Variants in FBP1 observed in about 807,000 individuals in gnomAD.
FBP1 encodes fructose-1,6-bisphosphatase 1.
Under a neutral mutation model 29.9 loss-of-function variants are expected in FBP1, and 22 were observed. That is an observed-to-expected ratio of 0.74 (90% CI 0.53 to 1.05). The LOEUF is 1.05. Among genes scored for constraint, FBP1 ranks in the 50% least tolerant of loss-of-function variants. FBP1 has a pLI of 0.00. For missense variants in FBP1, 345 were observed against 448.2 expected, an observed-to-expected ratio of 0.77 and a Z score of 2.08; for synonymous variants, 175 against 178.6, an observed-to-expected ratio of 0.98 and a Z score of 0.16.
chr9:94,603,903 G>T, intron 6 of FBP1: 1 of 369,548 alleles, frequency 2.7e-6, no homozygotes, highest in South Asian at 2.2e-5. Context: ...ATGGAAACTG[G>T]ACTTAATGAG....
intron 1 of FBP1, among the ~76,000 whole-genome samples, chr9:94,638,398 C>T (rs1828227395): frequency 6.6e-6 from 1 of 152,228 alleles, no homozygotes; most frequent in Non-Finnish European, 1.5e-5. Flanking sequence ...CTCCATAGCG[C>T]ATTCAGAACC....
intron 1 of FBP1, among the ~76,000 whole-genome samples, chr9:94,632,136 A>C (rs1459806740): frequency 6.6e-6 from 1 of 152,140 alleles, no homozygotes; most frequent in Non-Finnish European, 1.5e-5. Flanking sequence ...TCATTCTAAA[A>C]CGAAATCTGA....
chr9:94,614,049 C>T (rs997138319), intron 3 of FBP1, among the ~76,000 whole-genome samples: 3 of 145,884 alleles, frequency 2.1e-5, no homozygotes, highest in Admixed American at 6.8e-5. Context: ...CTACTGCACT[C>T]CAGCCTGGGC....
Position 94,611,011 on chromosome 9 carries a change from C to T in FBP1, c.427-950G>A, listed in dbSNP as rs560326842. Among the ~76,000 whole-genome samples, 9 of 152,174 alleles carry T rather than the reference C, an allele frequency of 5.9e-5. No individual in the cohort carries two copies. The South Asian group carries it at 1.7e-3, about 28-fold the overall frequency. ...CCCAAGTAGCTGGGAGTACAGGCGC[C>T]TGCCACCACACCCAGTTAATTTTTT... On this transcript the variant is annotated intron_variant, in intron 3 of 6. Coordinates refer to ENST00000375326, the MANE Select transcript of FBP1 (RefSeq NM_000507.4).
chr9:94,607,712 G>A (rs1827721990), intron 4 of FBP1, among the ~76,000 whole-genome samples: 2 of 152,076 alleles, frequency 1.3e-5, no homozygotes, highest in African/African-American at 2.4e-5. Context: ...TTGGCAAGAG[G>A]GTGATCGAGG....
At chr9:94,633,230 A>G (rs1255231525) in intron 1 of FBP1, among the ~76,000 whole-genome samples, 1 of 151,732 alleles carries the variant, frequency 6.6e-6, no homozygotes, top group Non-Finnish European at 1.5e-5. Context: ...CTTCTTCCAA[A>G]TCCTTCCTCT....
intron 1 of FBP1, among the ~76,000 whole-genome samples, chr9:94,630,077 AT>A (rs1828080526): frequency 1.3e-5 from 2 of 152,214 alleles, no homozygotes; most frequent in African/African-American, 4.8e-5. Context: ...TTACATAAAC[AT>A]GGCACATCTG....
chr9:94,630,509 C>T (rs1828086985), intron 1 of FBP1, among the ~76,000 whole-genome samples: 1 of 152,214 alleles, frequency 6.6e-6, no homozygotes, highest in Non-Finnish European at 1.5e-5. Flanking sequence ...AGCTCTGCTC[C>T]ATGCTCAGCA....
At chr9:94,622,512 G>C (rs999130188) in intron 1 of FBP1, among the ~76,000 whole-genome samples, 7 of 152,200 alleles carry the variant, frequency 4.6e-5, no homozygotes, top group African/African-American at 1.7e-4. Context: ...GCAAAACTGA[G>C]CCCCTCCTAG....
At chr9:94,604,808 CA>C (rs1827672780) in intron 6 of FBP1, among the ~76,000 whole-genome samples, 1 of 152,076 alleles carries the variant, frequency 6.6e-6, no homozygotes, top group Non-Finnish European at 1.5e-5. Flanking sequence ...ACTGGGAAAA[CA>C]TAAGAAGGAC....
intron 1 of FBP1, among the ~76,000 whole-genome samples, chr9:94,634,580 C>T (rs944407784): frequency 6.6e-6 from 1 of 152,190 alleles, no homozygotes; most frequent in Non-Finnish European, 1.5e-5. Context: ...GGACAACACT[C>T]GAATTTGACA....
At chr9:94,618,866 C>T (rs1827901765) in intron 2 of FBP1, among the ~76,000 whole-genome samples, 1 of 152,162 alleles carries the variant, frequency 6.6e-6, no homozygotes, top group South Asian at 2.1e-4. Context: ...GTATTCACAC[C>T]ATTGACAGAG....
chr9:94,637,544 G>T (rs935776384), intron 1 of FBP1, among the ~76,000 whole-genome samples: 2 of 151,764 alleles, frequency 1.3e-5, no homozygotes, highest in African/African-American at 2.4e-5. Flanking sequence ...GATTACAGGC[G>T]CCTGCCACCA....
chr9:94,628,184 C>T (rs552651547), intron 1 of FBP1, among the ~76,000 whole-genome samples: 4 of 152,232 alleles, frequency 2.6e-5, no homozygotes, highest in African/African-American at 7.2e-5. Flanking sequence ...GACAGGAGTT[C>T]GAGACCAGCC....
At chr9:94,606,149 T>C (rs1422593079) in intron 5 of FBP1, among the ~76,000 whole-genome samples, 8 of 152,132 alleles carry the variant, frequency 5.3e-5, no homozygotes. Context: ...CCTGCAAACA[T>C]TTGAGCTTCA....
intron 2 of FBP1, 150 bp downstream of exon 2, chr9:94,620,179 C>A: frequency 1.2e-6 from 1 of 800,542 alleles, no homozygotes; most frequent in Admixed American, 2.0e-5. Flanking sequence ...CGAGAGATGG[C>A]AGCAGTGAGG....
At chr9:94,636,432 C>T (rs764269476) in intron 1 of FBP1, among the ~76,000 whole-genome samples, 2 of 152,070 alleles carry the variant, frequency 1.3e-5, no homozygotes, top group Non-Finnish European at 2.9e-5. Flanking sequence ...GAGCCATTAT[C>T]ACACCACTGC....
intron 1 of FBP1, among the ~76,000 whole-genome samples, chr9:94,630,287 G>T (rs1336770345): frequency 1.3e-5 from 2 of 152,124 alleles, no homozygotes; most frequent in Non-Finnish European, 2.9e-5. Flanking sequence ...CAGTGGTATT[G>T]GTAATGCCTG....
chr9:94,622,577 C>T (rs1019801016), intron 1 of FBP1, among the ~76,000 whole-genome samples: 1 of 152,218 alleles, frequency 6.6e-6, no homozygotes, highest in African/African-American at 2.4e-5. Context: ...GAGCTAGCTC[C>T]GGCTGTCTTC....
Sources: gnomAD v4.1 joint callset for allele counts (sites outside exome capture counted in the v4.1 genomes callset) on GRCh38, gnomAD v4.1.1 for gene constraint, MANE v1.5 for transcripts, NCBI Gene and HGNC (gene_info 2026-07-23, HGNC 2026-07-21) for gene names.